Variants in HP observed in about 807,000 individuals in gnomAD.
HP encodes haptoglobin alpha(1S)-beta.
In HP, 9 loss-of-function variants were observed where a neutral mutation model predicts 23.2. The ratio of observed to expected loss-of-function variants is 0.39; its 90% CI spans 0.23 to 0.68. The LOEUF is 0.68. Ranked by LOEUF, HP falls within the 30% of genes least tolerant of loss-of-function variation. The pLI is 0.47. For synonymous variants in HP, 155 were observed against 183.3 expected (o/e 0.85, Z 1.25); for missense variants, 433 against 483.6 (o/e 0.90, Z 0.98).
In HP at chr16:72,054,672, T is replaced by C; in HGVS notation, c.5+15T>C. The C allele has an allele frequency of 6.2e-7, 1 of 1,612,472 alleles. No homozygotes were observed. The highest frequency in any genetic ancestry group is 8.5e-7 in the Non-Finnish European group (1 of 1,179,186). On this transcript the variant is annotated intron_variant, in intron 1 of 6. Coordinates refer to ENST00000355906, the MANE Select transcript of HP (RefSeq NM_005143.5). ...ACCAAGATGAGGTGGGTCCACAGCT[T>C]TCCCTCCTGCCTTTCCTCTGGTTCT... is the stretch of plus-strand genomic sequence containing the variant.
In HP at chr16:72,059,110, T is replaced by G; in HGVS notation, c.368-4T>G. The G allele has an allele frequency of 6.4e-7, 1 of 1,565,068 alleles. No individual in the cohort carries two copies. Among genetic ancestry groups the G allele is most frequent in the Non-Finnish European group, 8.7e-7 (1 of 1,148,454 alleles). ...TTTGGCTCACTTCTTGCCTTTTGTT[T>G]CAGGAGTGTACACCTTAAACAATGA... On this transcript the variant is annotated splice_region_variant and splice_polypyrimidine_tract_variant and intron_variant, in intron 5 of 6. Coordinates refer to ENST00000355906, the MANE Select transcript of HP (RefSeq NM_005143.5).
intron 1 of HP, 90 bp from the exon 2 acceptor site, chr16:72,056,071 G>T: frequency 6.6e-7 from 1 of 1,517,952 alleles, no homozygotes; most frequent in Non-Finnish European, 9.1e-7. Flanking sequence ...GTGTGTGTGT[G>T]TGTGTGTACA....
Position 72,056,234 on chromosome 16 carries a change from G to A in HP, c.79G>A (p.Asp27Asn). ...FAVDSGNDVT[D>N]IADDGCPKPP... The stretch of plus-strand genomic sequence containing the variant: ...AGTGGACTCAGGCAATGATGTCACG[G>A]ATATCGCAGGTCAGTCTTTGGTTGG... Residue 27 changes from aspartate (D) to asparagine (N), a missense_variant, in exon 2 of 7, where the codon GAT becomes AAT. Coordinates refer to ENST00000355906, the MANE Select transcript of HP (RefSeq NM_005143.5). 1 of 1,614,006 alleles carries A rather than the reference G, an allele frequency of 6.2e-7. No individual in the cohort carries two copies. The highest frequency in any genetic ancestry group is 8.5e-7 in the Non-Finnish European group (1 of 1,179,972).
Position 72,058,056 on chromosome 16 carries a change from C to T in HP, c.266-198C>T, listed in dbSNP as rs551298130. On this transcript the variant is annotated intron_variant, in intron 4 of 6. Coordinates refer to ENST00000355906, the MANE Select transcript of HP (RefSeq NM_005143.5). Reference sequence around the variant, plus strand: ...TAGAGAGAATGAATTATTGTAGCCCCTAGCCCTTTCAATGAATTTCAGGGA... The same window carrying T: ...TAGAGAGAATGAATTATTGTAGCCCTTAGCCCTTTCAATGAATTTCAGGGA... 2.3e-4 allele frequency: 164 copies of T among 709,788 alleles called. 31 individuals are homozygous for T. In the Middle Eastern group the frequency reaches 6.7e-3, roughly 29 times the overall value. The allele number at this position is 709,788 out of a possible 1,614,324, so 44.0% of individuals were successfully genotyped here. A position where few individuals can be genotyped will look rare whatever the true frequency, so the allele number is the denominator to read the frequency against.
intron 5 of HP, 124 bp from the exon 6 acceptor site, chr16:72,058,989 CT>C: frequency 7.4e-6 from 8 of 1,074,786 alleles, no homozygotes; most frequent in South Asian, 2.7e-5. Context: ...ATACTCTCTC[CT>C]TTTCCCCTTC....
chr16:72,060,505 G>T lies in HP; in HGVS notation c.836G>T (p.Gly279Val). 6.2e-7 allele frequency: 1 copy of T among 1,614,148 alleles called. No homozygotes were observed. ...SKDYAEVGRV[G>V]YVSGWGRNAN... The stretch of plus-strand genomic sequence containing the variant: ...GATTATGCAGAAGTAGGGCGTGTGG[G>T]TTATGTTTCTGGCTGGGGGCGAAAT... Residue 279 changes from glycine to valine, a missense_variant, in exon 7 of 7, where the codon GGT (glycine) becomes GTT (valine). This residue lies in a region of HP where 326 missense variants were observed against 358.1 expected (regional missense o/e 0.91). Coordinates refer to ENST00000355906, the MANE Select transcript of HP (RefSeq NM_005143.5).
At position 72,060,752 on chromosome 16, in the gene HP, T is replaced by C. The variant is rs149627591; in HGVS notation, c.1083T>C (p.Val361=). ...CYGDAGSAFA[V]HDLEEDTWYA... is the part of the protein sequence containing the mutation. ...GCGATGCGGGCAGTGCCTTTGCCGT[T>C]CACGACCTGGAGGAGGACACCTGGT... is the stretch of plus-strand genomic sequence containing the variant. The change falls in exon 7 of 7, where the codon GTT becomes GTC. Residue 361 remains valine (V), a synonymous_variant. Transcript: ENST00000355906. 192 of 1,614,158 alleles carry C rather than the reference T, an allele frequency of 1.2e-4. No homozygotes were observed. Among genetic ancestry groups the C allele is most frequent in the Admixed American group, 9.8e-4 (59 of 60,030 alleles).
At chr16:72,056,500 G>C in intron 2 of HP, 30 bp from the exon 3 acceptor site, 1 of 1,461,786 alleles carries the variant, frequency 6.8e-7, no homozygotes, top group Non-Finnish European at 9.3e-7. Context: ...TTTCCAAATA[G>C]CAAACTCTCT....
rs1323194702 is a variant in HP at position 72,057,102 on chromosome 16, C to T, written c.191-290C>T. 1.0e-4 allele frequency: 50 copies of T among 483,446 alleles called. 4 individuals are homozygous for T. The highest frequency in any genetic ancestry group is 2.3e-4 in the South Asian group (11 of 47,486). 29.9% of individuals were successfully genotyped at this position (483,446 alleles called of 1,614,324 possible). ...GTTGAGTATCTTGCCCAAATTCAGG[C>T]AGCCTGTAAGAGGCAGAGTCAGGAT... On this transcript the variant is annotated intron_variant, in intron 3 of 6. Coordinates refer to ENST00000355906, the MANE Select transcript of HP (RefSeq NM_005143.5).
At chr16:72,059,021 T>G in intron 5 of HP, 93 bp from the exon 6 acceptor site, 3 of 1,301,148 alleles carry the variant, frequency 2.3e-6, no homozygotes, top group South Asian at 2.4e-5. Flanking sequence ...CCTTTTCCTC[T>G]TCCTTTTAGT....
chr16:72,054,657 G>C lies in HP; in HGVS notation c.5G>C (p.Ser2Thr), dbSNP rs145505451. 20 of 1,612,036 alleles carry C rather than the reference G, an allele frequency of 1.2e-5. No homozygotes were observed. Among genetic ancestry groups the C allele is most frequent in the Middle Eastern group, 1.6e-4 (1 of 6,062 alleles). The change falls in exon 1 of 7, where the codon AGT becomes ACT. Residue 2 changes from serine (S) to threonine (T), a missense_variant and splice_region_variant. Coordinates refer to ENST00000355906, the MANE Select transcript of HP (RefSeq NM_005143.5). M[S>T]ALGAVIALLL... ...CCAGAGGCAAGACCAACCAAGATGA[G>C]GTGGGTCCACAGCTTTCCCTCCTGC...
At chr16:72,055,329 G>A (rs763583370) in intron 1 of HP, 11 of 156,298 alleles carry the variant, frequency 7.0e-5, no homozygotes, top group Non-Finnish European at 1.6e-4. Flanking sequence ...TAGTAGAGAC[G>A]GGCTTTCACC....
chr16:72,060,017 A>G, intron 6 of HP, 95 bp from the exon 7 acceptor site: 6 of 1,576,168 alleles, frequency 3.8e-6, no homozygotes, highest in Non-Finnish European at 5.2e-6. Flanking sequence ...TTTCTACTTT[A>G]CGCAGCAGTG....
Position 72,060,409 on chromosome 16 carries a change from T to A in HP, c.740T>A (p.Ile247Asn). The A allele has an allele frequency of 6.2e-7, 1 of 1,614,198 alleles. No homozygotes were observed. The highest frequency in any genetic ancestry group is 8.5e-7 in the Non-Finnish European group (1 of 1,180,032). The change falls in exon 7 of 7, where the codon ATT becomes AAT. Residue 247 changes from isoleucine (I) to asparagine (N), a missense_variant. By Grantham distance (149) the Ile-to-Asn change is moderately radical (BLOSUM62 -3). Around this residue, in one of 3 missense-constraint regions of HP, gnomAD observed 326 missense variants for 358.1 expected, o/e 0.91. Transcript: ENST00000355906. ...VLHPNYSQVD[I>N]GLIKLKQKVS... ...CACCCTAACTACTCCCAGGTAGATA[T>A]TGGGCTCATCAAACTCAAACAGAAG...
rs371304177 is a variant in HP, at chr16:72,060,781, C to G, written c.1112C>G (p.Ala371Gly). Reference protein sequence around the residue: ...VHDLEEDTWYATGILSFDKSC... With the variant: ...VHDLEEDTWYGTGILSFDKSC... ...GACCTGGAGGAGGACACCTGGTATG[C>G]GACTGGGATCTTAAGCTTTGATAAG... The change falls in exon 7 of 7, where the codon GCG becomes GGG. Residue 371 changes from alanine (A) to glycine (G), a missense_variant. By Grantham distance (60) the Ala-to-Gly change is moderately conservative. Transcript: ENST00000355906. The G allele has an allele frequency of 5.1e-5, 82 of 1,614,096 alleles. 2 individuals carry two copies. Among genetic ancestry groups the G allele is most frequent in the Admixed American group, 2.7e-4 (16 of 60,020 alleles).
intron 1 of HP, 21 bp from the exon 2 acceptor site, chr16:72,056,140 C>G: frequency 6.2e-7 from 1 of 1,610,860 alleles, no homozygotes; most frequent in Non-Finnish European, 8.5e-7. Flanking sequence ...CTTTCCACTC[C>G]TCCTTGTCTT....
chr16:72,054,894 C>T, intron 1 of HP: 1 of 853,694 alleles, frequency 1.2e-6, no homozygotes, highest in Non-Finnish European at 1.8e-6. Flanking sequence ...CTTCAGGTTA[C>T]ATTTTTGACT....
rs2041465327 is a variant in HP at position 72,056,512 on chromosome 16, G to T, written c.89-18G>T. The T allele has an allele frequency of 6.6e-7, 1 of 1,505,988 alleles. No homozygotes were observed. The highest frequency in any genetic ancestry group is 9.0e-7 in the Non-Finnish European group (1 of 1,112,334). The allele number at this position is 1,505,988 out of a possible 1,614,324, so 93.3% of individuals were successfully genotyped here. On this transcript the variant is annotated intron_variant, in intron 2 of 6. Transcript: ENST00000355906. Reference sequence around the variant, plus strand: ...CAATTTCCAAATAGCAAACTCTCTGGCTTCTCTCTCTTTGCAGATGACGGC... The same window carrying T: ...CAATTTCCAAATAGCAAACTCTCTGTCTTCTCTCTCTTTGCAGATGACGGC...
chr16:72,058,978 T>C, intron 5 of HP, 136 bp from the exon 6 acceptor site: 1 of 995,634 alleles, frequency 1.0e-6, no homozygotes, highest in South Asian at 1.4e-5. Flanking sequence ...CTCCTTCTCA[T>C]ATACTCTCTC....
Sources: gnomAD v4.1 joint callset for allele counts on GRCh38, gnomAD v4.1.1 for gene constraint, gnomAD v4.1.1 regional missense constraint, MANE v1.5 for transcripts, NCBI Gene and HGNC (gene_info 2026-07-23, HGNC 2026-07-21) for gene names.